Variants in TMEM170A observed in about 807,000 individuals in gnomAD.
The protein encoded by TMEM170A is transmembrane protein 170A.
A neutral mutation model predicts 12.8 loss-of-function variants in TMEM170A; 18 were observed. That is an observed-to-expected ratio of 1.41 (90% CI 0.97 to 2.09). TMEM170A has a LOEUF of 2.09. Ranked by LOEUF, TMEM170A falls within the 30% of genes most tolerant of loss-of-function variation. TMEM170A has a pLI of 0.00. For missense variants in TMEM170A, 220 were observed against 179.9 expected (o/e 1.22, Z -1.28); for synonymous variants, 107 against 76.2 (o/e 1.40, Z -2.11).
At position 75,443,503 on chromosome 16, in the gene TMEM170A, T is replaced by G. The variant is rs1229483586; in HGVS notation, c.*4055A>C. ...GATGCTTCACATTCCAGGAAATGGT[T>G]ACTTAGGGAAGGTTGATATGTGCTG... On this transcript the variant is annotated 3_prime_UTR_variant, in exon 3 of 3. Coordinates refer to ENST00000561878, the MANE Select transcript of TMEM170A (RefSeq NM_145254.3). The G allele has an allele frequency of 6.6e-6, 1 of 152,186 alleles. No individual in the cohort carries two copies. Among genetic ancestry groups the G allele is most frequent in the Non-Finnish European group, 1.5e-5 (1 of 68,024 alleles). 9.4% of individuals were successfully genotyped at this position (152,186 alleles called of 1,614,324 possible).
At chr16:75,455,252 G>A (rs1450928670) in intron 1 of TMEM170A, among the ~76,000 whole-genome samples, 1 of 151,686 alleles carries the variant, frequency 6.6e-6, no homozygotes, top group East Asian at 1.9e-4. Context: ...AGCTACTTGG[G>A]AGGCTGAGGC....
At position 75,447,323 on chromosome 16, in the gene TMEM170A, T is replaced by C. The variant is rs780694422; in HGVS notation, c.*235A>G. 1 of 335,866 alleles carries C rather than the reference T, an allele frequency of 3.0e-6. No homozygotes were observed. Among genetic ancestry groups the C allele is most frequent in the Non-Finnish European group, 5.2e-6 (1 of 191,494 alleles). The allele number at this position is 335,866 out of a possible 1,614,324, so 20.8% of individuals were successfully genotyped here. A position where few individuals can be genotyped will look rare whatever the true frequency, so the allele number is the denominator to read the frequency against. The stretch of plus-strand genomic sequence containing the variant: ...ACATGAAAACTGCTTAAATCAAATA[T>C]CTACAAAAAAGAAAGCCAAAAGACT... On this transcript the variant is annotated 3_prime_UTR_variant, in exon 3 of 3. Transcript: ENST00000561878.
At position 75,444,507 on chromosome 16, in the gene TMEM170A, G is replaced by T. The variant is rs1597427725; in HGVS notation, c.*3051C>A. The T allele has an allele frequency of 6.6e-6, 1 of 152,216 alleles. No homozygotes were observed. Among genetic ancestry groups the T allele is most frequent in the African/African-American group, 2.4e-5 (1 of 41,554 alleles). The allele number at this position is 152,216 out of a possible 1,614,324, so 9.4% of individuals were successfully genotyped here. ...CACAGCTGGGGGAGGATATTTCTAA[G>T]AAATCAGTTTTTGGCAAAAATTCTC... On this transcript the variant is annotated 3_prime_UTR_variant, in exon 3 of 3. Coordinates refer to ENST00000561878, the MANE Select transcript of TMEM170A (RefSeq NM_145254.3).
At chr16:75,458,907 T>A (rs535625948) in intron 1 of TMEM170A, 6 of 152,316 alleles carry the variant, frequency 3.9e-5, no homozygotes, top group Non-Finnish European at 7.3e-5. Context: ...TTTTTTTTCT[T>A]TTTTTTGAGA....
intron 2 of TMEM170A, among the ~76,000 whole-genome samples, chr16:75,449,981 C>T (rs925685810): frequency 3.9e-5 from 6 of 152,140 alleles, no homozygotes; most frequent in African/African-American, 1.4e-4. Context: ...ATTTATTCGA[C>T]AATTACTATG....
intron 2 of TMEM170A, among the ~76,000 whole-genome samples, chr16:75,448,842 G>A (rs368931287): frequency 2.0e-5 from 3 of 150,968 alleles, no homozygotes; most frequent in South Asian, 2.1e-4. Flanking sequence ...CAGGAGGATC[G>A]CTTGAGCCCA....
rs141056549 is a variant in TMEM170A, at chr16:75,448,491, G to A, written c.305-803C>T. ...GAAAAGAATAGATCCGGCCGGGCAC[G>A]GTGGCTCACGCCTGTAATCCCAGCA... On this transcript the variant is annotated intron_variant, in intron 2 of 2. Coordinates refer to ENST00000561878, the MANE Select transcript of TMEM170A (RefSeq NM_145254.3). 5.3e-5 allele frequency among the ~76,000 whole-genome samples: 8 copies of A among 152,270 alleles called. No homozygotes were observed. In the South Asian group the frequency reaches 6.2e-4, roughly 12 times the overall value.
chr16:75,447,405 A>C lies in TMEM170A; in HGVS notation c.*153T>G. On this transcript the variant is annotated 3_prime_UTR_variant, in exon 3 of 3. Transcript: ENST00000561878. ...AAGTCTTCAATTCTAGGAGCTTCAA[A>C]ATGAAGAAAAGGCTGAGATGTGTTG... 3.7e-6 allele frequency: 3 copies of C among 809,062 alleles called. No individual in the cohort carries two copies. Among genetic ancestry groups the C allele is most frequent in the Non-Finnish European group, 5.2e-6 (3 of 575,902 alleles). 50.1% of individuals were successfully genotyped at this position (809,062 alleles called of 1,614,324 possible). A position where few individuals can be genotyped will look rare whatever the true frequency, so the allele number is the denominator to read the frequency against.
At chr16:75,452,112 C>T (rs2079699788) in intron 1 of TMEM170A, among the ~76,000 whole-genome samples, 1 of 152,122 alleles carries the variant, frequency 6.6e-6, no homozygotes, top group Non-Finnish European at 1.5e-5. Flanking sequence ...GCTGGGACTA[C>T]AGGCACCCGC....
At position 75,451,832 on chromosome 16, in the gene TMEM170A, C is replaced by A. The variant is rs2079691856; in HGVS notation, c.141G>T (p.Trp47Cys). The A allele has an allele frequency of 1.2e-6, 2 of 1,611,300 alleles. No individual in the cohort carries two copies. Among genetic ancestry groups the A allele is most frequent in the Non-Finnish European group, 1.7e-6 (2 of 1,178,472 alleles). Residue 47 changes from tryptophan to cysteine, a missense_variant, in exon 2 of 3, where the codon TGG (tryptophan) becomes TGT (cysteine). Coordinates refer to ENST00000561878, the MANE Select transcript of TMEM170A (RefSeq NM_145254.3). ...STSLCSFPEM[W>C]YGVFLWALVS... The stretch of plus-strand genomic sequence containing the variant: ...CCAGTGCCCACAGGAATACACCATA[C>A]CACATCTCTATGAGGGAAGACAAAG...
intron 1 of TMEM170A, among the ~76,000 whole-genome samples, chr16:75,455,112 C>T (rs1263099826): frequency 1.3e-5 from 2 of 152,084 alleles, no homozygotes; most frequent in African/African-American, 4.8e-5. Flanking sequence ...AATCCCAGCA[C>T]TCTGGGAGGC....
chr16:75,464,724 C>T (rs1325868300), upstream of TMEM170A: 4 of 1,344,442 alleles, frequency 3.0e-6, no homozygotes, highest in Non-Finnish European at 3.9e-6. Flanking sequence ...CCAATCCCAA[C>T]GGCGCTGCCA....
chr16:75,450,673 T>C (rs201174844), intron 2 of TMEM170A, among the ~76,000 whole-genome samples: 2 of 137,360 alleles, frequency 1.5e-5, no homozygotes, highest in East Asian at 2.1e-4. Flanking sequence ...TCTTTTTTTT[T>C]CCCCCGGGTC....
intron 2 of TMEM170A, among the ~76,000 whole-genome samples, chr16:75,449,202 C>T (rs2079636919): frequency 6.6e-6 from 1 of 152,198 alleles, no homozygotes; most frequent in Non-Finnish European, 1.5e-5. Context: ...TTTTCATCTG[C>T]AGAACACTTC....
chr16:75,450,411 ATTAC>A (rs1403146718), intron 2 of TMEM170A, among the ~76,000 whole-genome samples: 1 of 152,144 alleles, frequency 6.6e-6, no homozygotes, highest in Non-Finnish European at 1.5e-5. Flanking sequence ...TTACATTTTA[ATTAC>A]TTAGAATTTT....
At chr16:75,458,346 G>T (rs1255608834) in intron 1 of TMEM170A, 1 of 152,230 alleles carries the variant, frequency 6.6e-6, no homozygotes, top group Non-Finnish European at 1.5e-5. Flanking sequence ...CCTGTGAACA[G>T]ATTAACCCAC....
Position 75,464,637 on chromosome 16 carries a change from C to G in TMEM170A, c.-37G>C, listed in dbSNP as rs755193415. Reference sequence around the variant, plus strand: ...TCACCACAGAGAAATGAGGGACGAGCGCCCGAAGTGCGGTAGCGGCCGGCG... The same window carrying G: ...TCACCACAGAGAAATGAGGGACGAGGGCCCGAAGTGCGGTAGCGGCCGGCG... On this transcript the variant is annotated 5_prime_UTR_variant, in exon 1 of 3. Transcript: ENST00000561878. 3 of 1,554,924 alleles carry G rather than the reference C, an allele frequency of 1.9e-6. No homozygotes were observed. The African/African-American group carries it at 4.3e-5, about 22-fold the overall frequency.
intron 2 of TMEM170A, 135 bp downstream of exon 2, chr16:75,451,534 A>C: frequency 1.1e-6 from 1 of 898,060 alleles, no homozygotes; most frequent in South Asian, 1.5e-5. Context: ...TTGGTGACAT[A>C]GGGAGACCCT....
intron 2 of TMEM170A, among the ~76,000 whole-genome samples, 158 bp from the exon 3 acceptor site, chr16:75,447,846 G>C (rs2079615044): frequency 1.3e-5 from 2 of 152,154 alleles, no homozygotes; most frequent in Non-Finnish European, 2.9e-5. Flanking sequence ...TATTCTTTCT[G>C]TGGACTACTC....
Sources: allele counts gnomAD v4.1 joint callset (sites outside exome capture counted in the v4.1 genomes callset), GRCh38; gene constraint gnomAD v4.1.1; transcripts MANE v1.5; gene names NCBI Gene and HGNC (gene_info 2026-07-23, HGNC 2026-07-21).